Variants in SEC31A observed in about 807,000 individuals in gnomAD.
SEC31A encodes SEC31 homolog A, COPII component.
A neutral mutation model predicts 151.0 loss-of-function variants in SEC31A; 70 were observed. The observed-to-expected ratio is 0.46, with a 90% CI of 0.38 to 0.57. The LOEUF is 0.57. Ranked by LOEUF, SEC31A falls within the 20% of genes least tolerant of loss-of-function variation. The pLI is 0.00. For synonymous variants in SEC31A, 475 were observed against 505.9 expected, an observed-to-expected ratio of 0.94 and a Z score of 0.82; for missense variants, 1,330 against 1,471.2, an observed-to-expected ratio of 0.90 and a Z score of 1.57.
In SEC31A at chr4:82,844,538, G is replaced by T. The variant is rs11737142; in HGVS notation, c.2503-29C>A. On this transcript the variant is annotated intron_variant, in intron 20 of 26. Coordinates refer to ENST00000395310, the MANE Select transcript of SEC31A (RefSeq NM_001077207.4). Reference sequence around the variant, plus strand: ...AGAAACAAGAACATGGTAAGAAGGCGGATACAAGTAGAACCAGGAACTTCA... The same window carrying T: ...AGAAACAAGAACATGGTAAGAAGGCTGATACAAGTAGAACCAGGAACTTCA... The T allele has an allele frequency of 0.21, 340,307 of 1,600,392 alleles. 37,870 individuals carry two copies. The highest frequency in any genetic ancestry group is 0.33 in the South Asian group (29,834 of 90,306).
chr4:82,829,992 AT>A (rs1560586992), intron 22 of SEC31A, among the ~76,000 whole-genome samples: 1 of 152,242 alleles, frequency 6.6e-6, no homozygotes, highest in Non-Finnish European at 1.5e-5. Flanking sequence ...GTGTATGTAT[AT>A]ATGTAAAGAC....
chr4:82,844,672 C>T (rs944447182), intron 20 of SEC31A, among the ~76,000 whole-genome samples, 163 bp from the exon 21 acceptor site: 1 of 152,228 alleles, frequency 6.6e-6, no homozygotes, highest in Non-Finnish European at 1.5e-5. Flanking sequence ...CATAATACCA[C>T]ATTTTCTGAG....
intron 1 of SEC31A, among the ~76,000 whole-genome samples, chr4:82,888,713 AT>A (rs1381655395): frequency 2.1e-5 from 3 of 143,758 alleles, no homozygotes; most frequent in South Asian, 2.3e-4. Context: ...AAAAAAAAAA[AT>A]TTCTTGAGGA....
At chr4:82,844,836 T>C (rs1056457291) in intron 20 of SEC31A, among the ~76,000 whole-genome samples, 22 of 152,184 alleles carry the variant, frequency 1.4e-4, no homozygotes, top group African/African-American at 5.3e-4. Flanking sequence ...TCTGTAAATA[T>C]AAGTATAAAT....
intron 3 of SEC31A, among the ~76,000 whole-genome samples, chr4:82,879,695 TTC>T (rs980703140): frequency 2.0e-5 from 3 of 152,200 alleles, no homozygotes; most frequent in African/African-American, 7.2e-5. Flanking sequence ...TTGAGCTATA[TTC>T]TGTCAGCTAA....
upstream of SEC31A, chr4:82,894,058 T>C (rs1719953446): frequency 6.6e-6 from 1 of 152,208 alleles, no homozygotes; most frequent in Non-Finnish European, 1.5e-5. Context: ...AACATTGTTG[T>C]GGTGAAGAAC....
chr4:82,878,742 C>T lies in SEC31A; in HGVS notation c.390G>A (p.Val130=), dbSNP rs1238649904. 1 of 1,613,562 alleles carries T rather than the reference C, an allele frequency of 6.2e-7. No individual in the cohort carries two copies. Among genetic ancestry groups the T allele is most frequent in the South Asian group, 1.1e-5 (1 of 91,040 alleles). Residue 130 remains valine, a synonymous_variant, in exon 4 of 27, where the codon GTG becomes GTA. Transcript: ENST00000395310. ...KHTGPVRALD[V]NIFQTNLVAS... ...TTAAAGTCTTAACCTGGAAAATGTT[C>T]ACATCCAAGGCTCTCACTGGGCCAG...
intron 17 of SEC31A, among the ~76,000 whole-genome samples, chr4:82,854,290 G>C (rs180880659): frequency 3.2e-4 from 48 of 151,920 alleles, no homozygotes; most frequent in Non-Finnish European, 1.9e-4. Flanking sequence ...TTGAACGCAG[G>C]GGGTGGAGGT....
chr4:82,833,000 TTCCTCAAG>T (rs1726324641), intron 22 of SEC31A, among the ~76,000 whole-genome samples: 2 of 150,896 alleles, frequency 1.3e-5, no homozygotes, highest in African/African-American at 4.9e-5. Context: ...AGTGTGGCGA[TTCCTCAAG>T]GATCTAGAAC....
upstream of SEC31A, chr4:82,894,008 T>A (rs1719951769): frequency 6.6e-6 from 1 of 152,116 alleles, no homozygotes; most frequent in Non-Finnish European, 1.5e-5. Context: ...CCATCAAAAC[T>A]CTTGCAAAAT....
At chr4:82,865,031 G>A (rs530644214) in intron 10 of SEC31A, among the ~76,000 whole-genome samples, 1 of 152,150 alleles carries the variant, frequency 6.6e-6, no homozygotes, top group Non-Finnish European at 1.5e-5. Flanking sequence ...AGATAGAGAA[G>A]ACCAGATAGG....
At chr4:82,883,828 CA>C (rs941226879) in intron 1 of SEC31A, among the ~76,000 whole-genome samples, 140 of 123,970 alleles carry the variant, frequency 1.1e-3, no homozygotes, top group Admixed American at 1.2e-3. Flanking sequence ...GACCATGACT[CA>C]AAAAAAAAAA....
At chr4:82,825,106 G>T (rs1724246722) in intron 24 of SEC31A, among the ~76,000 whole-genome samples, 1 of 152,206 alleles carries the variant, frequency 6.6e-6, no homozygotes, top group Non-Finnish European at 1.5e-5. Flanking sequence ...ACTCTTAGAG[G>T]TTGTTAACTG....
chr4:82,842,559 C>A lies in SEC31A; in HGVS notation c.2627-78G>T, dbSNP rs2149246102. The A allele has an allele frequency of 6.7e-6, 7 of 1,043,412 alleles. No individual in the cohort carries two copies. The South Asian group carries it at 1.0e-4, about 15-fold the overall frequency. The allele number at this position is 1,043,412 out of a possible 1,614,324, so 64.6% of individuals were successfully genotyped here. On this transcript the variant is annotated intron_variant, in intron 21 of 26. Coordinates refer to ENST00000395310, the MANE Select transcript of SEC31A (RefSeq NM_001077207.4). Reference sequence around the variant, plus strand: ...TAGTAGCAGAAAACTAAAAAGTTATCTCAGTCTATAGAAATGATTTTAATC... The same window carrying A: ...TAGTAGCAGAAAACTAAAAAGTTATATCAGTCTATAGAAATGATTTTAATC...
rs371000483 is a variant in SEC31A at position 82,848,793 on chromosome 4, A to C, written c.2502+11T>G. ...AAAGTGTTCCTACTTCATCTGGACC[A>C]TATCACTCACATGGGGATAATATTG... On this transcript the variant is annotated intron_variant, in intron 20 of 26. Coordinates refer to ENST00000395310, the MANE Select transcript of SEC31A (RefSeq NM_001077207.4). 18 of 1,605,500 alleles carry C rather than the reference A, an allele frequency of 1.1e-5. No individual in the cohort carries two copies. The African/African-American group carries it at 1.9e-4, about 17-fold the overall frequency.
intron 22 of SEC31A, among the ~76,000 whole-genome samples, chr4:82,829,987 T>C (rs1578132688): frequency 6.6e-6 from 1 of 152,264 alleles, no homozygotes; most frequent in Non-Finnish European, 1.5e-5. Context: ...CTTTTGTGTA[T>C]GTATATATGT....
At chr4:82,891,438 G>C (rs1273945857), upstream of SEC31A, among the ~76,000 whole-genome samples, 1 of 152,234 alleles carries the variant, frequency 6.6e-6, no homozygotes, top group Non-Finnish European at 1.5e-5. Context: ...AGGACTAGTG[G>C]GTAAAGGACT....
intron 22 of SEC31A, chr4:82,830,910 C>A: frequency 8.9e-7 from 1 of 1,119,852 alleles, no homozygotes. Flanking sequence ...CAAAGATTTC[C>A]AAAGGTATAT....
At chr4:82,870,250 A>G in intron 8 of SEC31A, 75 bp downstream of exon 8, 1 of 1,143,386 alleles carries the variant, frequency 8.7e-7, no homozygotes, top group Non-Finnish European at 1.3e-6. Flanking sequence ...AAGAATCCAC[A>G]CAGAAAATTT....
Sources: allele counts gnomAD v4.1 joint callset (sites outside exome capture counted in the v4.1 genomes callset), GRCh38; gene constraint gnomAD v4.1.1; transcripts MANE v1.5; gene names NCBI Gene and HGNC (gene_info 2026-07-23, HGNC 2026-07-21).